The following MACROD2 variants were observed in gnomAD, a reference collection of about 807,000 sequenced individuals.
The protein encoded by MACROD2 is mono-ADP ribosylhydrolase 2, also known as ADP-ribose glycohydrolase MACROD2.
In MACROD2, 36 loss-of-function variants were observed where a neutral mutation model predicts 70.4. The observed-to-expected ratio is 0.51, with a 90% CI of 0.39 to 0.68. MACROD2 has a LOEUF of 0.68. Among genes scored for constraint, MACROD2 ranks in the 30% least tolerant of loss-of-function variants. The probability of loss-of-function intolerance (pLI) is 0.00; values close to 1 mark genes in which losing one functional copy is unlikely to be tolerated. For synonymous variants in MACROD2, 172 were observed against 178.8 expected, an observed-to-expected ratio of 0.96 and a Z score of 0.30; for missense variants, 496 against 538.4, an observed-to-expected ratio of 0.92 and a Z score of 0.78.
intron 2 of MACROD2, among the ~76,000 whole-genome samples, chr20:14,048,921 A>G (rs2148646550): frequency 6.6e-6 from 1 of 152,330 alleles, no homozygotes; most frequent in Admixed American, 6.5e-5. Context: ...TAGGTGACTT[A>G]ATACAAGCTG....
intron 12 of MACROD2, among the ~76,000 whole-genome samples, chr20:15,956,157 T>C (rs1186927127): frequency 6.6e-6 from 1 of 152,106 alleles, no homozygotes; most frequent in African/African-American, 2.4e-5. Flanking sequence ...AGTGTCTGGA[T>C]TTAGATTGAT....
chr20:15,214,406 T>C (rs772728614), intron 5 of MACROD2, among the ~76,000 whole-genome samples: 15 of 152,082 alleles, frequency 9.9e-5, no homozygotes, highest in Non-Finnish European at 1.9e-4. Flanking sequence ...GTTGTCGTCA[T>C]GAAATTCTAT....
In MACROD2 at chr20:14,062,461, C is replaced by T. The variant is rs73267402; in HGVS notation, c.164-23160C>T. ...AATTCACAAAACAGCTTTGTAGTAG[C>T]TCCTAAAATATGAATAGGAGTTTCT... On this transcript the variant is annotated intron_variant, in intron 2 of 17. Transcript: ENST00000684519. 2.0e-3 allele frequency among the ~76,000 whole-genome samples: 303 copies of T among 152,232 alleles called. 1 individual carries two copies. Among genetic ancestry groups the T allele is most frequent in the African/African-American group, 6.6e-3 (274 of 41,544 alleles).
chr20:15,688,005 C>G (rs1200761488), intron 8 of MACROD2, among the ~76,000 whole-genome samples: 1 of 152,144 alleles, frequency 6.6e-6, no homozygotes, highest in African/African-American at 2.4e-5. Flanking sequence ...GCAAGAATTT[C>G]CCATCATTTG....
At chr20:14,389,884 T>A (rs1042224429) in intron 3 of MACROD2, among the ~76,000 whole-genome samples, 2 of 152,132 alleles carry the variant, frequency 1.3e-5, no homozygotes, top group Non-Finnish European at 2.9e-5. Context: ...TCCAACATAG[T>A]ACTGGAAGTC....
chr20:14,728,142 G>T (rs950436533), intron 5 of MACROD2, among the ~76,000 whole-genome samples: 2 of 152,022 alleles, frequency 1.3e-5, no homozygotes, highest in Non-Finnish European at 2.9e-5. Flanking sequence ...TTTAGTTTTA[G>T]TTTTGTTTTT....
At chr20:15,395,667 C>T (rs2045851100) in intron 6 of MACROD2, among the ~76,000 whole-genome samples, 1 of 152,174 alleles carries the variant, frequency 6.6e-6, no homozygotes, top group African/African-American at 2.4e-5. Context: ...TCCCGACCCC[C>T]AAATTAACAT....
At chr20:15,398,446 T>C (rs2045887964) in intron 6 of MACROD2, among the ~76,000 whole-genome samples, 2 of 152,188 alleles carry the variant, frequency 1.3e-5, no homozygotes, top group African/African-American at 4.8e-5. Context: ...GGTAAGTATA[T>C]GGGCACAGGT....
At chr20:15,868,767 C>G (rs778984432) in intron 9 of MACROD2, among the ~76,000 whole-genome samples, 92 of 152,058 alleles carry the variant, frequency 6.1e-4, no homozygotes, top group Non-Finnish European at 1.2e-3. Flanking sequence ...AAACTACCAA[C>G]TACTATTTTT....
chr20:15,188,141 C>T (rs2076545786), intron 5 of MACROD2, among the ~76,000 whole-genome samples: 3 of 152,156 alleles, frequency 2.0e-5, no homozygotes, highest in Non-Finnish European at 4.4e-5. Flanking sequence ...CTCACTTTCT[C>T]ATATAAATTA....
chr20:14,971,631 A>G (rs1159678529), intron 5 of MACROD2, among the ~76,000 whole-genome samples: 4 of 151,800 alleles, frequency 2.6e-5, no homozygotes, highest in South Asian at 2.1e-4. Context: ...CCCTCATGCA[A>G]TTGTAGTTTG....
chr20:15,451,883 AGAGAAAGGGGAAGGGCCTCATCCTGGT>A (rs1163027701), intron 7 of MACROD2, among the ~76,000 whole-genome samples: 2 of 152,154 alleles, frequency 1.3e-5, no homozygotes, highest in Non-Finnish European at 2.9e-5. Context: ...TCAGTGCTTC[AGAGAAAGGGGAAGGGCCTCATCCTGGT>A]GAGAAAGAGG....
At chr20:15,627,923 G>T (rs1264249329) in intron 8 of MACROD2, among the ~76,000 whole-genome samples, 1 of 152,176 alleles carries the variant, frequency 6.6e-6, no homozygotes, top group African/African-American at 2.4e-5. Context: ...GGTTAAATCA[G>T]ACTTGCACTG....
intron 3 of MACROD2, among the ~76,000 whole-genome samples, chr20:14,220,218 G>A (rs1476607116): frequency 6.6e-6 from 1 of 152,082 alleles, no homozygotes; most frequent in Non-Finnish European, 1.5e-5. Flanking sequence ...TGCTGTTGGG[G>A]GGTGGAGGTG....
intron 5 of MACROD2, among the ~76,000 whole-genome samples, chr20:15,070,705 A>C (rs1461607074): frequency 3.9e-5 from 6 of 152,114 alleles, no homozygotes; most frequent in Non-Finnish European, 8.8e-5. Flanking sequence ...AGCTTCCTGC[A>C]GCCTCACCAG....
At chr20:14,147,730 T>G (rs993734088) in intron 3 of MACROD2, among the ~76,000 whole-genome samples, 1 of 152,174 alleles carries the variant, frequency 6.6e-6, no homozygotes, top group Non-Finnish European at 1.5e-5. Flanking sequence ...CTTTCCATGC[T>G]CGAGACTTCC....
chr20:15,009,739 C>A (rs1033233700), intron 5 of MACROD2, among the ~76,000 whole-genome samples: 1 of 147,810 alleles, frequency 6.8e-6, no homozygotes, highest in African/African-American at 2.5e-5. Flanking sequence ...TTTTTTCAGT[C>A]TTTGAAACAC....
intron 6 of MACROD2, among the ~76,000 whole-genome samples, chr20:15,243,637 C>T (rs2327898): frequency 0.019 from 2,848 of 152,116 alleles, 88 homozygotes; most frequent in African/African-American, 0.066. Flanking sequence ...GTGAGCTGGC[C>T]GGGCACGGTG....
chr20:15,151,363 T>C (rs375349860), intron 5 of MACROD2, among the ~76,000 whole-genome samples: 2 of 152,018 alleles, frequency 1.3e-5, no homozygotes, highest in Admixed American at 6.6e-5. Flanking sequence ...GAAGTTCTTG[T>C]GTGCTGGAGA....
Sources: gnomAD v4.1 joint callset for allele counts (sites outside exome capture counted in the v4.1 genomes callset) on GRCh38, gnomAD v4.1.1 for gene constraint, MANE v1.5 for transcripts, NCBI Gene and HGNC (gene_info 2026-07-23, HGNC 2026-07-21) for gene names.